Variants in NR3C2 observed in about 807,000 individuals in gnomAD.
The protein encoded by NR3C2 is mineralocorticoid receptor.
In NR3C2, 15 loss-of-function variants were observed where a neutral mutation model predicts 86.4. The observed-to-expected ratio is 0.17, with a 90% CI of 0.12 to 0.27. The LOEUF is 0.27. Ranked by LOEUF, NR3C2 falls within the 10% of genes least tolerant of loss-of-function variation. The pLI is 1.00. For missense variants in NR3C2, 960 were observed against 1,195.6 expected, an observed-to-expected ratio of 0.80 and a Z score of 2.91; for synonymous variants, 458 against 450.5, an observed-to-expected ratio of 1.02 and a Z score of -0.21.
chr4:148,415,613 C>T (rs982480400), intron 2 of NR3C2, among the ~76,000 whole-genome samples: 9 of 152,116 alleles, frequency 5.9e-5, no homozygotes, highest in South Asian at 2.1e-4. Context: ...TCCCTCCACC[C>T]GTCTGTCTAG....
chr4:148,100,206 A>T (rs1731473991), intron 8 of NR3C2, among the ~76,000 whole-genome samples: 1 of 152,220 alleles, frequency 6.6e-6, no homozygotes, highest in African/African-American at 2.4e-5. Flanking sequence ...GGATTAAAAG[A>T]AACAGACGAT....
At chr4:148,324,997 A>G (rs550349681) in intron 2 of NR3C2, among the ~76,000 whole-genome samples, 1 of 152,242 alleles carries the variant, frequency 6.6e-6, no homozygotes, top group South Asian at 2.1e-4. Flanking sequence ...TATTAGAGGC[A>G]TATCTACAAA....
intron 8 of NR3C2, among the ~76,000 whole-genome samples, chr4:148,086,857 G>A (rs1246332860): frequency 6.6e-6 from 1 of 152,144 alleles, no homozygotes; most frequent in African/African-American, 2.4e-5. Context: ...CATTCCCTTC[G>A]AAAACCGGCA....
chr4:148,225,919 A>G (rs1738134816), intron 3 of NR3C2, among the ~76,000 whole-genome samples: 1 of 152,196 alleles, frequency 6.6e-6, no homozygotes, highest in African/African-American at 2.4e-5. Flanking sequence ...TAAATGTCCT[A>G]TCTTTACACA....
intron 2 of NR3C2, among the ~76,000 whole-genome samples, chr4:148,328,152 T>C (rs1744056725): frequency 1.3e-5 from 2 of 152,144 alleles, no homozygotes; most frequent in African/African-American, 4.8e-5. Flanking sequence ...AGGAAAGAGG[T>C]GGCAGCAGCC....
upstream of NR3C2, chr4:148,442,616 A>G (rs61760024): frequency 1.0e-3 from 1,029 of 983,796 alleles, 4 homozygotes; most frequent in Middle Eastern, 2.1e-3. Context: ...TCCACGCCGC[A>G]CGGGTCAGGC....
intron 2 of NR3C2, among the ~76,000 whole-genome samples, chr4:148,275,852 G>A (rs926174607): frequency 3.3e-5 from 5 of 152,216 alleles, no homozygotes; most frequent in Non-Finnish European, 5.9e-5. Flanking sequence ...GACATCAAGC[G>A]ATTTTGAAGA....
At chr4:148,220,589 T>G (rs1219548133) in intron 3 of NR3C2, among the ~76,000 whole-genome samples, 2 of 152,174 alleles carry the variant, frequency 1.3e-5, no homozygotes, top group Non-Finnish European at 2.9e-5. Context: ...GAGGATCACC[T>G]GAGCACAGGA....
rs556209916 is a variant in NR3C2 at position 148,401,857 on chromosome 4, A to T, written c.1757+33247T>A. 5.3e-5 allele frequency among the ~76,000 whole-genome samples: 8 copies of T among 152,296 alleles called. No individual in the cohort carries two copies. In the East Asian group the frequency reaches 1.5e-3, roughly 29 times the overall value. On this transcript the variant is annotated intron_variant, in intron 2 of 8. Transcript: ENST00000358102. ...AGGAGGATAAGGCCAAAGGGATCAC[A>T]AAGACTCAGCCCTGATGCTCTTGAG...
intron 6 of NR3C2, among the ~76,000 whole-genome samples, chr4:148,144,535 T>C (rs758696007): frequency 2.0e-5 from 3 of 152,054 alleles, no homozygotes; most frequent in South Asian, 2.1e-4. Context: ...ACCACTATGA[T>C]AGATTGACAA....
Position 148,435,165 on chromosome 4 carries a change from G to A in NR3C2, c.1696C>T (p.Leu566=), listed in dbSNP as rs1749976219. 1 of 1,614,040 alleles carries A rather than the reference G, an allele frequency of 6.2e-7. No homozygotes were observed. The highest frequency in any genetic ancestry group is 1.1e-5 in the South Asian group (1 of 91,080). The change falls in exon 2 of 9, where the codon CTG becomes TTG. Residue 566 remains leucine (L), a synonymous_variant. Transcript: ENST00000358102. ...TACCCATCACTTCTTCTAGACGACAGGTCGCCGTGTGATTTCCATGACTCC... is the reference window on the plus strand; with the variant it reads ...TACCCATCACTTCTTCTAGACGACAAGTCGCCGTGTGATTTCCATGACTCC... The part of the protein sequence containing the change: ...LVESWKSHGD[L]SSRRSDGYPV...
chr4:148,414,971 C>A (rs1306938268), intron 2 of NR3C2, among the ~76,000 whole-genome samples: 1 of 152,152 alleles, frequency 6.6e-6, no homozygotes, highest in African/African-American at 2.4e-5. Context: ...AACAGTTTTT[C>A]ATGATATGCA....
In NR3C2 at chr4:148,079,233, G is replaced by C. The variant is rs1213727887; in HGVS notation, c.*2111C>G. Reference sequence around the variant, plus strand: ...GCTGTGTATTTATTACCTTCAAAGTGTGGCTTTCATATTACTGTGCACCGT... The same window carrying C: ...GCTGTGTATTTATTACCTTCAAAGTCTGGCTTTCATATTACTGTGCACCGT... On this transcript the variant is annotated 3_prime_UTR_variant, in exon 9 of 9. Transcript: ENST00000358102. The C allele has an allele frequency of 1.3e-5, 2 of 152,220 alleles. No individual in the cohort carries two copies. The highest frequency in any genetic ancestry group is 2.9e-5 in the Non-Finnish European group (2 of 68,046). 9.4% of individuals were successfully genotyped at this position (152,220 alleles called of 1,614,324 possible). A position where few individuals can be genotyped will look rare whatever the true frequency, so the allele number is the denominator to read the frequency against.
intron 8 of NR3C2, among the ~76,000 whole-genome samples, chr4:148,097,371 T>C (rs1343228596): frequency 6.6e-6 from 1 of 152,218 alleles, no homozygotes; most frequent in Non-Finnish European, 1.5e-5. Flanking sequence ...TGAACACTGA[T>C]TTAACGAATA....
intron 2 of NR3C2, among the ~76,000 whole-genome samples, chr4:148,363,840 A>C (rs2126324785): frequency 6.6e-6 from 1 of 152,088 alleles, no homozygotes; most frequent in South Asian, 2.1e-4. Context: ...CTCACCTATC[A>C]CTTCAAAGGG....
At chr4:148,359,572 C>T (rs1420376350) in intron 2 of NR3C2, among the ~76,000 whole-genome samples, 1 of 152,140 alleles carries the variant, frequency 6.6e-6, no homozygotes, top group African/African-American at 2.4e-5. Flanking sequence ...GTCATCAGTA[C>T]ATCTTTCACT....
At chr4:148,357,067 A>G (rs1745584123) in intron 2 of NR3C2, among the ~76,000 whole-genome samples, 1 of 152,202 alleles carries the variant, frequency 6.6e-6, no homozygotes, top group Admixed American at 6.5e-5. Flanking sequence ...ATTCTGAATC[A>G]AAATGTTATA....
chr4:148,407,839 G>A (rs1016044335), intron 2 of NR3C2, among the ~76,000 whole-genome samples: 1 of 152,028 alleles, frequency 6.6e-6, no homozygotes, highest in Non-Finnish European at 1.5e-5. Context: ...TTTACTACTG[G>A]AATGATGTTC....
At chr4:148,298,519 C>G (rs1344149826) in intron 2 of NR3C2, among the ~76,000 whole-genome samples, 1 of 152,170 alleles carries the variant, frequency 6.6e-6, no homozygotes, top group Non-Finnish European at 1.5e-5. Context: ...ATTTACTTTC[C>G]TCTTTACCAG....
Sources: allele counts gnomAD v4.1 joint callset (sites outside exome capture counted in the v4.1 genomes callset), GRCh38; gene constraint gnomAD v4.1.1; transcripts MANE v1.5; gene names NCBI Gene and HGNC (gene_info 2026-07-23, HGNC 2026-07-21).